The following MCC variants were observed in gnomAD, a reference collection of about 807,000 sequenced individuals.
MCC encodes the protein MCC regulator of Wnt signaling pathway.
In MCC, 90 loss-of-function variants were observed where a neutral mutation model predicts 116.2. That is an observed-to-expected ratio of 0.77 (90% CI 0.65 to 0.92). The LOEUF (loss-of-function observed/expected upper bound fraction) is 0.92, where lower values mean the gene tolerates loss of function less well. Ranked by LOEUF, MCC falls within the 40% of genes least tolerant of loss-of-function variation. MCC has a pLI of 0.00. For missense variants in MCC, 1,516 were observed against 1,312.2 expected, an observed-to-expected ratio of 1.16 and a Z score of -2.40; for synonymous variants, 578 against 510.5, an observed-to-expected ratio of 1.13 and a Z score of -1.78.
chr5:113,230,909 T>C (rs1763917061), intron 3 of MCC, among the ~76,000 whole-genome samples: 1 of 152,192 alleles, frequency 6.6e-6, no homozygotes, highest in African/African-American at 2.4e-5. Context: ...CTTATTATCA[T>C]GCTCCTACGT....
chr5:113,441,125 A>G lies in MCC; in HGVS notation c.170+47120T>C, dbSNP rs142445753. Reference sequence around the variant, plus strand: ...TGAGGCGGGCAGATCACTTAAGGTCATGAGTTTGAGACCAGACTGGCCAAC... The same window carrying G: ...TGAGGCGGGCAGATCACTTAAGGTCGTGAGTTTGAGACCAGACTGGCCAAC... On this transcript the variant is annotated intron_variant, in intron 1 of 18. Coordinates refer to ENST00000408903, the MANE Select transcript of MCC (RefSeq NM_001085377.2). Among the ~76,000 whole-genome samples the G allele has an allele frequency of 3.3e-3, 498 of 152,306 alleles. 3 individuals carry two copies. The highest frequency in any genetic ancestry group is 0.012 in the African/African-American group (482 of 41,554).
At chr5:113,039,709 G>GCACCCCCCCCCCCC (rs1249494135) in intron 17 of MCC, among the ~76,000 whole-genome samples, 1 of 102,870 alleles carries the variant, frequency 9.7e-6, no homozygotes, top group African/African-American at 4.0e-5. Context: ...GTCCCACTCC[G>GCACCCCCCCCCCCC]CGCCCCCCCC....
intron 1 of MCC, among the ~76,000 whole-genome samples, chr5:113,431,485 T>C (rs1225907308): frequency 1.3e-5 from 2 of 152,134 alleles, no homozygotes; most frequent in African/African-American, 2.4e-5. Flanking sequence ...ACATCTGCAA[T>C]GACTCTATTT....
At chr5:113,461,962 A>G (rs1771756834) in intron 1 of MCC, among the ~76,000 whole-genome samples, 2 of 152,210 alleles carry the variant, frequency 1.3e-5, no homozygotes, top group South Asian at 2.1e-4. Context: ...AAATTATTAC[A>G]TATGAATATG....
chr5:113,190,101 T>G (rs1762080982), intron 3 of MCC, among the ~76,000 whole-genome samples: 1 of 152,236 alleles, frequency 6.6e-6, no homozygotes, highest in Admixed American at 6.5e-5. Flanking sequence ...TGTTAAGGTG[T>G]CTATAAGGTC....
chr5:113,377,721 GGCTAAATTT>G (rs1485681315), intron 2 of MCC, among the ~76,000 whole-genome samples: 4 of 152,144 alleles, frequency 2.6e-5, no homozygotes, highest in African/African-American at 9.7e-5. Context: ...TCAAAGACTT[GGCTAAATTT>G]GCCCAAACTT....
At chr5:113,148,188 A>G (rs1759639931) in intron 4 of MCC, among the ~76,000 whole-genome samples, 1 of 152,258 alleles carries the variant, frequency 6.6e-6, no homozygotes, top group South Asian at 2.1e-4. Flanking sequence ...ACTGGGCTGT[A>G]GAATGTTGAT....
chr5:113,342,904 G>A (rs1460265032), intron 2 of MCC, among the ~76,000 whole-genome samples: 1 of 152,224 alleles, frequency 6.6e-6, no homozygotes, highest in Non-Finnish European at 1.5e-5. Context: ...CACAGGACGT[G>A]TACTGGGTCC....
chr5:113,403,077 C>A (rs1371077898), intron 1 of MCC, among the ~76,000 whole-genome samples: 1 of 152,100 alleles, frequency 6.6e-6, no homozygotes, highest in Admixed American at 6.5e-5. Flanking sequence ...ACTTACCTTG[C>A]TGCAGATTGG....
chr5:113,245,798 A>C (rs1764552033), intron 3 of MCC, among the ~76,000 whole-genome samples: 1 of 152,198 alleles, frequency 6.6e-6, no homozygotes, highest in African/African-American at 2.4e-5. Flanking sequence ...TAAAGAACTC[A>C]TACTGTGACA....
rs572905817 is a variant in MCC at position 113,187,623 on chromosome 5, T to C, written c.628-36201A>G. 5.0e-4 allele frequency among the ~76,000 whole-genome samples: 76 copies of C among 151,178 alleles called. No individual in the cohort carries two copies. The Middle Eastern group carries it at 0.017, about 34-fold the overall frequency. ...ACAAAAAATTAGCCGGGCGTGGTGG[T>C]GGGTGCCTGTAGTCCCAGCTACTTG... On this transcript the variant is annotated intron_variant, in intron 3 of 18. Transcript: ENST00000408903.
Position 113,290,944 on chromosome 5 carries a change from G to A in MCC, c.627+49575C>T, listed in dbSNP as rs147227585. 4.0e-3 allele frequency among the ~76,000 whole-genome samples: 610 copies of A among 152,196 alleles called. 5 individuals carry two copies. Among genetic ancestry groups the A allele is most frequent in the African/African-American group, 0.013 (559 of 41,524 alleles). ...AAAAGAACAAATCACTAGTTTATCCGTCTACATTTTCCTTTTGTATTTCTG... is the reference window on the plus strand; with the variant it reads ...AAAAGAACAAATCACTAGTTTATCCATCTACATTTTCCTTTTGTATTTCTG... On this transcript the variant is annotated intron_variant, in intron 3 of 18. Transcript: ENST00000408903.
chr5:113,306,152 C>G (rs1422714873), intron 3 of MCC, among the ~76,000 whole-genome samples: 2 of 152,232 alleles, frequency 1.3e-5, no homozygotes, highest in Non-Finnish European at 2.9e-5. Flanking sequence ...ATCCGTTCAT[C>G]AATTGATGAA....
Position 113,220,039 on chromosome 5 carries a change from GAA to G in MCC, c.628-68619_628-68618del, listed in dbSNP as rs1299840195. On this transcript the variant is annotated intron_variant, in intron 3 of 18. Transcript: ENST00000408903. Reference sequence around the variant, plus strand: ...CCTTTACATTTCCATGTTAACTTTGGAATCTGCATGTCAATTTCTTTTTCTTT... The same window carrying G: ...CCTTTACATTTCCATGTTAACTTTGGTCTGCATGTCAATTTCTTTTTCTTT... Among the ~76,000 whole-genome samples, 131 of 145,242 alleles carry G rather than the reference GAA, an allele frequency of 9.0e-4. 1 individual carries two copies. In the Middle Eastern group the frequency reaches 0.01, roughly 12 times the overall value.
intron 3 of MCC, chr5:113,269,169 C>G: frequency 1.0e-6 from 1 of 985,388 alleles, no homozygotes; most frequent in Non-Finnish European, 1.2e-6. Context: ...TCTCTGCTTA[C>G]CAAACCCATG....
intron 3 of MCC, among the ~76,000 whole-genome samples, chr5:113,183,825 G>T (rs1761749911): frequency 6.6e-6 from 1 of 152,146 alleles, no homozygotes; most frequent in Non-Finnish European, 1.5e-5. Context: ...GACTTGTGGG[G>T]AGAAAGGGGG....
At chr5:113,074,523 G>C (rs1374923731) in intron 11 of MCC, among the ~76,000 whole-genome samples, 2 of 152,202 alleles carry the variant, frequency 1.3e-5, no homozygotes, top group Non-Finnish European at 2.9e-5. Flanking sequence ...AACAAAGCTG[G>C]ACAGAGAATG....
intron 6 of MCC, among the ~76,000 whole-genome samples, chr5:113,108,541 T>A (rs972500677): frequency 8.0e-5 from 12 of 150,276 alleles, no homozygotes; most frequent in African/African-American, 2.7e-4. Context: ...TAATCCCAGC[T>A]ACTCAGGAGG....
At position 113,051,160 on chromosome 5, in the gene MCC, C is replaced by A. The variant is rs566894176; in HGVS notation, c.2449-1861G>T. Among the ~76,000 whole-genome samples, 24 of 152,158 alleles carry A rather than the reference C, an allele frequency of 1.6e-4. No individual in the cohort carries two copies. The East Asian group carries it at 2.7e-3, about 17-fold the overall frequency. On this transcript the variant is annotated intron_variant, in intron 15 of 18. Coordinates refer to ENST00000408903, the MANE Select transcript of MCC (RefSeq NM_001085377.2). ...AGTCCCAACAGATCTAAACATAGAA[C>A]CACTCTGTAGGGACATCTGCAACCC...
Sources: allele counts gnomAD v4.1 joint callset (sites outside exome capture counted in the v4.1 genomes callset), GRCh38; gene constraint gnomAD v4.1.1; transcripts MANE v1.5; gene names NCBI Gene and HGNC (gene_info 2026-07-23, HGNC 2026-07-21).